The following NRG1 variants were observed in gnomAD, a reference collection of about 807,000 sequenced individuals.
NRG1 encodes neuregulin 1.
In NRG1, 18 loss-of-function variants were observed where a neutral mutation model predicts 63.8. That is an observed-to-expected ratio of 0.28 (90% confidence interval 0.19 to 0.42). The LOEUF is 0.42. NRG1 is among the 10% of genes least tolerant of loss of function. The pLI, the probability that NRG1 is intolerant of heterozygous loss-of-function variation, is 1.00. For synonymous variants in NRG1, 302 were observed against 301.3 expected (o/e 1.00, Z -0.02); for missense variants, 762 against 814.7 (o/e 0.94, Z 0.79).
At chr8:32,325,617 G>C (rs1372147905) in intron 1 of NRG1, among the ~76,000 whole-genome samples, 1 of 152,088 alleles carries the variant, frequency 6.6e-6, no homozygotes, top group East Asian at 1.9e-4. Flanking sequence ...GGGCATAAGT[G>C]ATTCTCCTGC....
At chr8:32,659,585 C>G (rs370938026) in intron 5 of NRG1, among the ~76,000 whole-genome samples, 23 of 152,218 alleles carry the variant, frequency 1.5e-4, no homozygotes, top group African/African-American at 5.5e-4. Flanking sequence ...TTATAAAGCA[C>G]AAATTACTTT....
At chr8:32,164,247 G>A (rs74458770) in intron 1 of NRG1, among the ~76,000 whole-genome samples, 28 of 149,592 alleles carry the variant, frequency 1.9e-4, no homozygotes, top group South Asian at 2.1e-4. Context: ...CCATCTGAAA[G>A]AAAAAAAAAA....
chr8:32,540,169 C>G (rs964994217), intron 1 of NRG1, among the ~76,000 whole-genome samples: 2 of 151,800 alleles, frequency 1.3e-5, no homozygotes, highest in African/African-American at 4.8e-5. Context: ...ATTGGCAGGG[C>G]AGGTAAACCG....
intron 1 of NRG1, among the ~76,000 whole-genome samples, chr8:32,161,099 T>C (rs573769981): frequency 6.6e-6 from 1 of 152,284 alleles, no homozygotes; most frequent in South Asian, 2.1e-4. Context: ...AATCCACATT[T>C]TGTCCAGAAT....
At chr8:32,614,531 C>T (rs868075442) in exon 4 of NRG1, 1 of 1,612,316 alleles carries the variant, frequency 6.2e-7, no homozygotes, top group East Asian at 2.2e-5. Flanking sequence ...CACTGGTATG[C>T]CAGCCTCAAC....
intron 5 of NRG1, among the ~76,000 whole-genome samples, chr8:32,621,150 A>G (rs1192222495): frequency 1.2e-4 from 19 of 152,092 alleles, no homozygotes; most frequent in Admixed American, 6.6e-5. Context: ...TTACTACTCA[A>G]TTTTTGGAAA....
intron 1 of NRG1, among the ~76,000 whole-genome samples, chr8:31,954,221 G>T (rs1424472130): frequency 6.6e-6 from 1 of 152,138 alleles, no homozygotes; most frequent in Non-Finnish European, 1.5e-5. Context: ...ATTTTGGACA[G>T]ATATTCCATT....
At chr8:31,972,665 C>T (rs1807494390) in intron 1 of NRG1, among the ~76,000 whole-genome samples, 1 of 152,154 alleles carries the variant, frequency 6.6e-6, no homozygotes, top group African/African-American at 2.4e-5. Flanking sequence ...TTTTTACAAA[C>T]CCCTGGAGCA....
At chr8:31,981,201 C>T (rs750025969) in intron 1 of NRG1, among the ~76,000 whole-genome samples, 7 of 151,870 alleles carry the variant, frequency 4.6e-5, no homozygotes, top group Non-Finnish European at 1.0e-4. Context: ...CTAGTTGTGT[C>T]ACCTATTATC....
intron 1 of NRG1, among the ~76,000 whole-genome samples, chr8:31,675,433 T>C (rs1807588632): frequency 6.6e-6 from 1 of 152,234 alleles, no homozygotes. Context: ...TGAGGGCTGA[T>C]ATACTCAATA....
intron 1 of NRG1, among the ~76,000 whole-genome samples, chr8:32,459,251 T>C (rs544610123): frequency 1.2e-4 from 19 of 152,146 alleles, no homozygotes; most frequent in Admixed American, 2.6e-4. Context: ...CTGGTAGTTA[T>C]TCCCTTCTTT....
Position 32,697,304 on chromosome 8 carries a change from T to C in NRG1, c.503-30645T>C, listed in dbSNP as rs142698412. Among the ~76,000 whole-genome samples, 8 of 152,364 alleles carry C rather than the reference T, an allele frequency of 5.3e-5. No individual in the cohort carries two copies. In the East Asian group the frequency reaches 1.5e-3, roughly 29 times the overall value. On this transcript the variant is annotated intron_variant, in intron 5 of 11. Coordinates refer to ENST00000356819, the Ensembl canonical transcript of NRG1. ...TTTCATCACCAGTCAGTCCTTCAAATAGATATTTCTTAGAGATGCATGGGT... is the reference window on the plus strand; with the variant it reads ...TTTCATCACCAGTCAGTCCTTCAAACAGATATTTCTTAGAGATGCATGGGT...
At chr8:31,815,041 G>T (rs1439754280) in intron 1 of NRG1, among the ~76,000 whole-genome samples, 2 of 152,044 alleles carry the variant, frequency 1.3e-5, no homozygotes, top group Non-Finnish European at 2.9e-5. Flanking sequence ...CTGTGCAAAA[G>T]GTACAGGTTT....
chr8:31,677,832 T>A (rs559365530), intron 1 of NRG1, among the ~76,000 whole-genome samples: 24 of 152,242 alleles, frequency 1.6e-4, no homozygotes, highest in African/African-American at 5.5e-4. Flanking sequence ...GCCTAGTACA[T>A]CCCTTGCATT....
At chr8:32,648,267 T>A in intron 5 of NRG1, 1 of 1,614,088 alleles carries the variant, frequency 6.2e-7, no homozygotes, top group East Asian at 2.2e-5. Context: ...CTTTTCTTTC[T>A]TGCCGTCCAC....
intron 1 of NRG1, among the ~76,000 whole-genome samples, chr8:32,370,414 C>T (rs1808658781): frequency 6.6e-6 from 1 of 152,086 alleles, no homozygotes; most frequent in Admixed American, 6.6e-5. Flanking sequence ...TGTGACCTGT[C>T]TTCAATTATT....
intron 1 of NRG1, among the ~76,000 whole-genome samples, chr8:32,296,960 C>T (rs1854961893): frequency 6.6e-6 from 1 of 151,900 alleles, no homozygotes. Context: ...ACTAAAAATA[C>T]AAAAATTAGC....
At chr8:32,203,123 G>A (rs1843661534) in intron 1 of NRG1, among the ~76,000 whole-genome samples, 1 of 147,920 alleles carries the variant, frequency 6.8e-6, no homozygotes, top group Non-Finnish European at 1.5e-5. Context: ...CACTGGCTTT[G>A]TGGTCCTGAA....
chr8:31,810,237 G>T (rs548733795), intron 1 of NRG1, among the ~76,000 whole-genome samples: 11 of 152,062 alleles, frequency 7.2e-5, no homozygotes, highest in Non-Finnish European at 1.3e-4. Flanking sequence ...TATTGCAGCA[G>T]CAATAGACCA....
Sources: gnomAD v4.1 joint callset for allele counts (sites outside exome capture counted in the v4.1 genomes callset) on GRCh38, gnomAD v4.1.1 for gene constraint, MANE v1.5 for transcripts, NCBI Gene and HGNC (gene_info 2026-07-23, HGNC 2026-07-21) for gene names.